The following UNKL variants were observed in gnomAD, a reference collection of about 807,000 sequenced individuals.
UNKL encodes the protein unk like zinc finger.
A neutral mutation model predicts 78.0 loss-of-function variants in UNKL; 60 were observed. The observed-to-expected ratio is 0.77, with a 90% CI of 0.63 to 0.95. UNKL has a LOEUF of 0.95. Among genes scored for constraint, UNKL ranks in the 40% least tolerant of loss-of-function variants. UNKL has a pLI of 0.00. For missense variants in UNKL, 1,159 were observed against 1,045.7 expected (o/e 1.11, Z -1.49); for synonymous variants, 608 against 474.8 (o/e 1.28, Z -3.65).
chr16:1,398,679 G>GCGCCCC, intron 5 of UNKL: 20 of 1,356,156 alleles, frequency 1.5e-5, no homozygotes, highest in Non-Finnish European at 1.9e-5. Flanking sequence ...TGTGGGGTCT[G>GCGCCCC]CACCCCCCCA....
At chr16:1,366,672 C>T (rs969002745) in intron 14 of UNKL, among the ~76,000 whole-genome samples, 2 of 152,202 alleles carry the variant, frequency 1.3e-5, no homozygotes, top group African/African-American at 4.8e-5. Flanking sequence ...CCCCTGAGGG[C>T]AGCTGGGTGC....
At chr16:1,402,828 CAA>C (rs750538228) in intron 3 of UNKL, among the ~76,000 whole-genome samples, 3 of 124,998 alleles carry the variant, frequency 2.4e-5, no homozygotes, top group Middle Eastern at 5.7e-3. Context: ...ACTAAACATA[CAA>C]AAAAAAAAAA....
chr16:1,363,871 C>G lies in UNKL; in HGVS notation c.*2369G>C, dbSNP rs999778415. On this transcript the variant is annotated 3_prime_UTR_variant, in exon 15 of 15. Coordinates refer to ENST00000389221, the MANE Select transcript of UNKL (RefSeq NM_001372107.1). ...GTGCCACCTCCATCTCCCAGCTGTC[C>G]CCCCACCCCTGGGGCTCCCCAGCTC... 6.6e-6 allele frequency: 1 copy of G among 152,504 alleles called. No homozygotes were observed. The highest frequency in any genetic ancestry group is 2.4e-5 in the African/African-American group (1 of 41,444). The allele number at this position is 152,504 out of a possible 1,614,324, so 9.4% of individuals were successfully genotyped here. A position where few individuals can be genotyped will look rare whatever the true frequency, so the allele number is the denominator to read the frequency against.
rs74504983 is a variant in UNKL at position 1,386,745 on chromosome 16, C to T, written c.1087-1360G>A. 7.9e-3 allele frequency among the ~76,000 whole-genome samples: 1,205 copies of T among 152,230 alleles called. 18 individuals are homozygous for T. Among genetic ancestry groups the T allele is most frequent in the African/African-American group, 0.028 (1,158 of 41,506 alleles). On this transcript the variant is annotated intron_variant, in intron 9 of 14. Transcript: ENST00000389221. ...AGATCAGAAATCCCCGACAAGAACG[C>T]GCCTGGCTCCTGGCTTCTGTGACCT...
Position 1,365,323 on chromosome 16 carries a change from CT to C in UNKL, c.*916del, listed in dbSNP as rs2035155299. 6.6e-6 allele frequency: 1 copy of C among 152,218 alleles called. No individual in the cohort carries two copies. Among genetic ancestry groups the C allele is most frequent in the South Asian group, 2.1e-4 (1 of 4,832 alleles). 9.4% of individuals were successfully genotyped at this position (152,218 alleles called of 1,614,324 possible). A position where few individuals can be genotyped will look rare whatever the true frequency, so the allele number is the denominator to read the frequency against. ...GCTTAAAAAAGTAATTCTAAAAGCT[CT>C]GACGTCGGATCCCCTCTGCTGCGTT... On this transcript the variant is annotated 3_prime_UTR_variant, in exon 15 of 15. Coordinates refer to ENST00000389221, the MANE Select transcript of UNKL (RefSeq NM_001372107.1).
rs776239589 is a variant in UNKL at position 1,406,121 on chromosome 16, A to T, written c.288-2777T>A. The T allele has an allele frequency of 1.0e-4, 47 of 450,850 alleles. 3 individuals are homozygous for T. The highest frequency in any genetic ancestry group is 7.3e-4 in the South Asian group (47 of 64,210). 27.9% of individuals were successfully genotyped at this position (450,850 alleles called of 1,614,324 possible). On this transcript the variant is annotated intron_variant, in intron 2 of 14. Coordinates refer to ENST00000389221, the MANE Select transcript of UNKL (RefSeq NM_001372107.1). ...GTGTACACGACTCCCTTCCAGCTTA[A>T]GGACGCAGGCATAGGTGGGGGGCCC... is the stretch of plus-strand genomic sequence containing the variant.
intron 2 of UNKL, among the ~76,000 whole-genome samples, chr16:1,412,714 G>A (rs900178045): frequency 3.9e-5 from 6 of 152,194 alleles, no homozygotes; most frequent in African/African-American, 1.4e-4. Flanking sequence ...TCTACAGCGT[G>A]AATATTCTAA....
At chr16:1,385,092 T>G in intron 10 of UNKL, 116 bp downstream of exon 10, 1 of 858,942 alleles carries the variant, frequency 1.2e-6, no homozygotes, top group Non-Finnish European at 1.5e-6. Context: ...GCGTCTGGCT[T>G]CTCTACAAAA....
chr16:1,378,435 C>T (rs1410071522), intron 10 of UNKL, among the ~76,000 whole-genome samples: 2 of 152,210 alleles, frequency 1.3e-5, no homozygotes, highest in South Asian at 2.1e-4. Context: ...CCAGAAACTC[C>T]TCATGAAAAT....
chr16:1,381,243 A>G (rs2036595634), intron 10 of UNKL, among the ~76,000 whole-genome samples: 1 of 152,214 alleles, frequency 6.6e-6, no homozygotes, highest in African/African-American at 2.4e-5. Flanking sequence ...TTTTTCTGCT[A>G]TGCTCAAATT....
At chr16:1,368,920 T>C (rs1040445942) in intron 12 of UNKL, among the ~76,000 whole-genome samples, 2 of 151,952 alleles carry the variant, frequency 1.3e-5, no homozygotes, top group South Asian at 2.1e-4. Context: ...AAATTTTGTA[T>C]TTTTTTGTAG....
intron 2 of UNKL, among the ~76,000 whole-genome samples, chr16:1,406,503 G>A (rs1211993327): frequency 3.3e-5 from 5 of 152,034 alleles, no homozygotes; most frequent in Admixed American, 1.3e-4. Context: ...GTGAGCCACC[G>A]CGCCCGGCCT....
In UNKL at chr16:1,399,567, G is replaced by A. The variant is rs758778823; in HGVS notation, c.599-58C>T. 8.4e-6 allele frequency: 13 copies of A among 1,547,464 alleles called. No individual in the cohort carries two copies. Among genetic ancestry groups the A allele is most frequent in the Middle Eastern group, 1.8e-4 (1 of 5,504 alleles). On this transcript the variant is annotated intron_variant, in intron 4 of 14. Coordinates refer to ENST00000389221, the MANE Select transcript of UNKL (RefSeq NM_001372107.1). This position sits in a 1 kb window ranked among gnomAD's most constrained non-coding sequence, Gnocchi z 5.8. ...GCGACTGGAAGCAATGCTGGGCAGA[G>A]GAGACCAAAGGTGGAAGGACCTGGC...
chr16:1,390,868 A>G (rs2037018335), intron 8 of UNKL, among the ~76,000 whole-genome samples, 174 bp from the exon 9 acceptor site: 2 of 152,104 alleles, frequency 1.3e-5, no homozygotes, highest in African/African-American at 4.8e-5. Context: ...TGTCTCTACT[A>G]AAAACACAAA....
At chr16:1,366,571 G>A (rs890992805) in intron 14 of UNKL, among the ~76,000 whole-genome samples, 176 bp from the exon 15 acceptor site, 2 of 152,016 alleles carry the variant, frequency 1.3e-5, no homozygotes, top group South Asian at 2.1e-4. Context: ...GGCAGCTGCG[G>A]GGTCAGGGGG....
chr16:1,367,569 T>TCCCG, intron 13 of UNKL, 87 bp downstream of exon 13: 2 of 201,780 alleles, frequency 9.9e-6, no homozygotes, highest in Non-Finnish European at 8.8e-6. Context: ...CCTCCCTCCC[T>TCCCG]CCCCTCCCAT....
At position 1,398,435 on chromosome 16, in the gene UNKL, G is replaced by A. The variant is rs946611537; in HGVS notation, c.734+939C>T. On this transcript the variant is annotated intron_variant, in intron 5 of 14. Coordinates refer to ENST00000389221, the MANE Select transcript of UNKL (RefSeq NM_001372107.1). Reference sequence around the variant, plus strand: ...AATCTCAGACACTAATTTGTGGTTTGTTCTACAGCCGTTCAGGTCCTTTAC... The same window carrying A: ...AATCTCAGACACTAATTTGTGGTTTATTCTACAGCCGTTCAGGTCCTTTAC... 40 of 1,092,126 alleles carry A rather than the reference G, an allele frequency of 3.7e-5. No homozygotes were observed. In the African/African-American group the frequency reaches 6.2e-4, roughly 17 times the overall value. 67.7% of individuals were successfully genotyped at this position (1,092,126 alleles called of 1,614,324 possible).
rs1174715446 is a variant in UNKL at position 1,387,956 on chromosome 16, G to A, written c.1087-2571C>T. On this transcript the variant is annotated intron_variant, in intron 9 of 14. Transcript: ENST00000389221. This position sits in a 1 kb window ranked among gnomAD's most constrained non-coding sequence, Gnocchi z 4.1. ...ACCCACCAGTAGCCTAGAGGCCACC[G>A]CCCGGGTCACAGTCACCCCTGTGGA... Among the ~76,000 whole-genome samples, 1 of 152,094 alleles carries A rather than the reference G, an allele frequency of 6.6e-6. No homozygotes were observed. Among genetic ancestry groups the A allele is most frequent in the East Asian group, 1.9e-4 (1 of 5,194 alleles).
chr16:1,395,352 G>A (rs2037216529), intron 6 of UNKL, among the ~76,000 whole-genome samples: 1 of 151,944 alleles, frequency 6.6e-6, no homozygotes, highest in Non-Finnish European at 1.5e-5. Flanking sequence ...ATTTTTAGTA[G>A]AGACGGGTTC....
Sources: gnomAD v4.1 joint callset for allele counts (sites outside exome capture counted in the v4.1 genomes callset) on GRCh38, gnomAD v4.1.1 for gene constraint, Gnocchi (gnomAD v3.1) non-coding constraint, MANE v1.5 for transcripts, NCBI Gene and HGNC (gene_info 2026-07-23, HGNC 2026-07-21) for gene names.